RAB37: variants seen among roughly 807,000 people sequenced by gnomAD.
RAB37 encodes ras-related protein Rab-37.
RAB37 carries 29 observed loss-of-function variants against 33.1 expected under a neutral mutation model. The observed-to-expected ratio is 0.88, with a 90% CI of 0.65 to 1.20. RAB37 has a LOEUF of 1.20. RAB37 is among the 50% of genes most tolerant of loss of function. RAB37 has a pLI of 0.00. For missense variants in RAB37, 299 were observed against 301.1 expected, an observed-to-expected ratio of 0.99 and a Z score of 0.05; for synonymous variants, 128 against 119.5, an observed-to-expected ratio of 1.07 and a Z score of -0.47.
chr17:74,712,429 C>A (rs535092153), intron 1 of RAB37, among the ~76,000 whole-genome samples: 83 of 152,348 alleles, frequency 5.4e-4, no homozygotes, highest in African/African-American at 1.8e-3. Flanking sequence ...CAAAGTCCTC[C>A]AGCCTCACCT....
At chr17:74,696,263 A>G (rs1205267536) in intron 1 of RAB37, 2 of 1,572,080 alleles carry the variant, frequency 1.3e-6, no homozygotes, top group Non-Finnish European at 1.7e-6. Context: ...CATTCCCCAG[A>G]CTCACAAGAA....
chr17:74,743,131 C>T lies in RAB37; in HGVS notation c.249C>T (p.Ile83=), dbSNP rs1265595317. 4.3e-6 allele frequency: 7 copies of T among 1,612,930 alleles called. No individual in the cohort carries two copies. The highest frequency in any genetic ancestry group is 5.9e-6 in the Non-Finnish European group (7 of 1,179,126). ...TTCTCCATCCCATCCCTTCCCAGAT[C>T]TGGGACACCGCTGGGCAGGAACGGT... ...TVDGVRVKLQ[I]WDTAGQERFR... Residue 83 remains isoleucine, a splice_region_variant and synonymous_variant, in exon 4 of 9, where the codon ATC becomes ATT. Transcript: ENST00000392613.
chr17:74,727,884 GTT>G (rs1567809476), intron 1 of RAB37, among the ~76,000 whole-genome samples: 1 of 151,794 alleles, frequency 6.6e-6, no homozygotes, highest in East Asian at 1.9e-4. Context: ...TTGTGTTTAT[GTT>G]TGTGTGTATA....
chr17:74,709,416 CAGCA>C (rs1018309442), intron 1 of RAB37, among the ~76,000 whole-genome samples: 4 of 152,160 alleles, frequency 2.6e-5, no homozygotes, highest in Admixed American at 2.6e-4. Context: ...TCAAAAACCT[CAGCA>C]AGCACCACAC....
intron 1 of RAB37, chr17:74,677,270 G>T (rs1380272053): frequency 1.3e-5 from 2 of 152,138 alleles, no homozygotes; most frequent in East Asian, 1.9e-4. Flanking sequence ...CTAGGGAAAG[G>T]TCTGGATACA....
intron 1 of RAB37, among the ~76,000 whole-genome samples, chr17:74,687,142 C>T (rs1441761152): frequency 3.9e-5 from 6 of 152,054 alleles, no homozygotes; most frequent in African/African-American, 1.2e-4. Context: ...CTCAGAGGTA[C>T]CTTCAGAAAA....
intron 2 of RAB37, among the ~76,000 whole-genome samples, chr17:74,731,590 G>A (rs1445128266): frequency 6.6e-6 from 1 of 152,180 alleles, no homozygotes. Context: ...CACTGATGTC[G>A]ATGGGGTTCA....
chr17:74,696,903 TGTTTGGTTTGGTTTGGTTTGGTTTG>T lies in RAB37; in HGVS notation c.72+25275_72+25299del, dbSNP rs72122986. 4.3e-4 allele frequency among the ~76,000 whole-genome samples: 63 copies of T among 146,930 alleles called. 1 individual carries two copies. The highest frequency in any genetic ancestry group is 3.4e-3 in the Middle Eastern group (1 of 290). Reference sequence around the variant, plus strand: ...GGGTCGGCACAGTAGGGACCGATTTTGTTTGGTTTGGTTTGGTTTGGTTTGGTTTGGTTTGGTTTGGTTTGGTTTG... The same window carrying T: ...GGGTCGGCACAGTAGGGACCGATTTTGTTTGGTTTGGTTTGGTTTGGTTTG... On this transcript the variant is annotated intron_variant, in intron 1 of 7. Transcript: ENST00000340415.
At position 74,746,722 on chromosome 17, in the gene RAB37, C is replaced by T. The variant is rs2034769211; in HGVS notation, c.*1311C>T. On this transcript the variant is annotated 3_prime_UTR_variant, in exon 9 of 9. Coordinates refer to ENST00000392613, the MANE Select transcript of RAB37 (RefSeq NM_001006638.3). The surrounding 1 kb of genome is among the most constrained non-coding windows in gnomAD (Gnocchi z 5.2). ...GGAGACAAGATTAAGCAAACCTCCC[C>T]TGACATGTATCCCTTTGACCCCAAG... 1 of 152,216 alleles carries T rather than the reference C, an allele frequency of 6.6e-6. No homozygotes were observed. Among genetic ancestry groups the T allele is most frequent in the Admixed American group, 6.5e-5 (1 of 15,276 alleles). The allele number at this position is 152,216 out of a possible 1,614,324, so 9.4% of individuals were successfully genotyped here.
At chr17:74,706,778 C>T (rs919780100) in intron 1 of RAB37, among the ~76,000 whole-genome samples, 2 of 152,202 alleles carry the variant, frequency 1.3e-5, no homozygotes, top group African/African-American at 4.8e-5. Context: ...AGGACCACGG[C>T]AGCCTGGATT....
intron 1 of RAB37, chr17:74,703,234 G>T: frequency 9.2e-7 from 1 of 1,082,502 alleles, no homozygotes; most frequent in Non-Finnish European, 1.4e-6. Context: ...GAGCCTGGGC[G>T]GGGGTCTGGA....
chr17:74,712,305 TC>T (rs2034021936), intron 1 of RAB37, among the ~76,000 whole-genome samples: 1 of 152,118 alleles, frequency 6.6e-6, no homozygotes, highest in African/African-American at 2.4e-5. Flanking sequence ...TCCCTGCCAG[TC>T]TTATCTCCTC....
At chr17:74,708,341 AC>A (rs2033681479) in intron 1 of RAB37, among the ~76,000 whole-genome samples, 1 of 152,168 alleles carries the variant, frequency 6.6e-6, no homozygotes, top group South Asian at 2.1e-4. Flanking sequence ...TTTACCAAAC[AC>A]GTAAAGAAGA....
chr17:74,707,371 G>C (rs912996195), intron 1 of RAB37, among the ~76,000 whole-genome samples: 1 of 152,202 alleles, frequency 6.6e-6, no homozygotes, highest in East Asian at 1.9e-4. Flanking sequence ...ATGGGCAACA[G>C]ATCTATTTTT....
At position 74,744,597 on chromosome 17, in the gene RAB37, C is replaced by G; in HGVS notation, c.432+224C>G. ...AAATCAAGGGGTGCCCAGTTCTCAGCCCCCATTAGAGCAGAGTGAACAGGG... is the reference window on the plus strand; with the variant it reads ...AAATCAAGGGGTGCCCAGTTCTCAGGCCCCATTAGAGCAGAGTGAACAGGG... On this transcript the variant is annotated intron_variant, in intron 6 of 8. Coordinates refer to ENST00000392613, the MANE Select transcript of RAB37 (RefSeq NM_001006638.3). The surrounding 1 kb of genome is among the most constrained non-coding windows in gnomAD (Gnocchi z 4.2). 1.6e-6 allele frequency: 1 copy of G among 627,960 alleles called. No homozygotes were observed. Among genetic ancestry groups the G allele is most frequent in the South Asian group, 1.9e-5 (1 of 52,232 alleles). The allele number at this position is 627,960 out of a possible 1,614,324, so 38.9% of individuals were successfully genotyped here. A position where few individuals can be genotyped will look rare whatever the true frequency, so the allele number is the denominator to read the frequency against.
At chr17:74,683,609 G>C (rs1012073695) in intron 1 of RAB37, among the ~76,000 whole-genome samples, 1 of 152,160 alleles carries the variant, frequency 6.6e-6, no homozygotes, top group Admixed American at 6.5e-5. Context: ...AATAATGTTT[G>C]TACAAGGACC....
Position 74,705,450 on chromosome 17 carries a change from T to G in RAB37, c.73-23806T>G, listed in dbSNP as rs1016804332. ...TTGACCCCTTTGTCAAATTGCAAAT[T>G]TGTGGATTTCCCATTCTGTTCCATT... On this transcript the variant is annotated intron_variant, in intron 1 of 7. Coordinates refer to the RAB37 transcript ENST00000340415. 7.9e-6 allele frequency: 4 copies of G among 509,264 alleles called. No individual in the cohort carries two copies. The Admixed American group carries it at 1.3e-4, about 16-fold the overall frequency. The allele number at this position is 509,264 out of a possible 1,614,324, so 31.5% of individuals were successfully genotyped here.
chr17:74,718,164 C>T (rs1227602959), intron 1 of RAB37, among the ~76,000 whole-genome samples: 2 of 151,980 alleles, frequency 1.3e-5, no homozygotes, highest in Non-Finnish European at 2.9e-5. Flanking sequence ...CATGGTGGCA[C>T]GACCCTGTAG....
intron 1 of RAB37, among the ~76,000 whole-genome samples, chr17:74,714,433 A>ACACG (rs1007188610): frequency 6.0e-5 from 9 of 149,308 alleles, no homozygotes; most frequent in African/African-American, 1.7e-4. Flanking sequence ...ACACACACAC[A>ACACG]CGCACGCACA....
Sources: gnomAD v4.1 joint callset for allele counts (sites outside exome capture counted in the v4.1 genomes callset) on GRCh38, gnomAD v4.1.1 for gene constraint, Gnocchi (gnomAD v3.1) non-coding constraint, MANE v1.5 for transcripts, NCBI Gene and HGNC (gene_info 2026-07-23, HGNC 2026-07-21) for gene names.